SFRP4: variants seen among roughly 807,000 people sequenced by gnomAD.
SFRP4 encodes the protein secreted frizzled-related protein 4.
SFRP4 carries 25 observed loss-of-function variants against 36.3 expected under a neutral mutation model. That is an observed-to-expected ratio of 0.69 (90% CI 0.50 to 0.96). SFRP4 has a LOEUF of 0.96. Ranked by LOEUF, SFRP4 falls within the 40% of genes least tolerant of loss-of-function variation. The pLI, the probability that SFRP4 is intolerant of heterozygous loss-of-function variation, is 0.00. For missense variants in SFRP4, 487 were observed against 459.6 expected (o/e 1.06, Z -0.54); for synonymous variants, 182 against 168.8 (o/e 1.08, Z -0.60).
intron 5 of SFRP4, among the ~76,000 whole-genome samples, chr7:37,908,817 C>T (rs2722324): frequency 0.97 from 148,278 of 152,330 alleles, 72,315 homozygotes; most frequent in East Asian, 1. Flanking sequence ...TATTCAGAAA[C>T]GCACTGACTA....
chr7:37,908,128 A>G (rs1785426075), intron 5 of SFRP4, among the ~76,000 whole-genome samples: 1 of 152,180 alleles, frequency 6.6e-6, no homozygotes, highest in African/African-American at 2.4e-5. Flanking sequence ...TGTCACTGGG[A>G]AGTCAGGAGT....
rs1284959146 is a variant in SFRP4 at position 37,906,456 on chromosome 7, A to G, written c.*1023T>C. The G allele has an allele frequency of 1.3e-5, 2 of 152,224 alleles. No homozygotes were observed. The highest frequency in any genetic ancestry group is 4.8e-5 in the African/African-American group (2 of 41,460). 9.4% of individuals were successfully genotyped at this position (152,224 alleles called of 1,614,324 possible). On this transcript the variant is annotated 3_prime_UTR_variant, in exon 6 of 6. Transcript: ENST00000436072. Reference sequence around the variant, plus strand: ...CCAACTGTCAAGTAATTCTCATTTCAGAGGTGGAACCTCAACTTTCCTCTC... The same window carrying G: ...CCAACTGTCAAGTAATTCTCATTTCGGAGGTGGAACCTCAACTTTCCTCTC...
chr7:37,912,666 A>G (rs891499783), intron 3 of SFRP4, among the ~76,000 whole-genome samples: 2 of 152,206 alleles, frequency 1.3e-5, no homozygotes, highest in African/African-American at 4.8e-5. Flanking sequence ...ATATATTCAG[A>G]TCAGAAGTCA....
rs1785410788 is a variant in SFRP4 at position 37,907,286 on chromosome 7, C to T, written c.*193G>A. 9.6e-6 allele frequency: 5 copies of T among 520,832 alleles called. No individual in the cohort carries two copies. The Admixed American group carries it at 1.0e-4, about 11-fold the overall frequency. The allele number at this position is 520,832 out of a possible 1,614,324, so 32.3% of individuals were successfully genotyped here. A position where few individuals can be genotyped will look rare whatever the true frequency, so the allele number is the denominator to read the frequency against. ...TCTGTACCAAAGGGCAAACCTACCACTATGGCTTGTGATGGCTTACAAAGA... is the reference window on the plus strand; with the variant it reads ...TCTGTACCAAAGGGCAAACCTACCATTATGGCTTGTGATGGCTTACAAAGA... On this transcript the variant is annotated 3_prime_UTR_variant, in exon 6 of 6. Transcript: ENST00000436072.
At chr7:37,913,347 T>C (rs983812740) in intron 3 of SFRP4, among the ~76,000 whole-genome samples, 3 of 152,224 alleles carry the variant, frequency 2.0e-5, no homozygotes, top group Non-Finnish European at 4.4e-5. Flanking sequence ...TAAAGTTTCT[T>C]ACTGATATAA....
Position 37,914,290 on chromosome 7 carries a change from A to G in SFRP4, c.527-12T>C. On this transcript the variant is annotated splice_polypyrimidine_tract_variant and intron_variant, in intron 2 of 5. Coordinates refer to ENST00000436072, the MANE Select transcript of SFRP4 (RefSeq NM_003014.4). ...ACACTTGCACCGATCTAAAAAAGGC[A>G]GAAGAGGCAGAAAGTTGGAAAAAGA... 1 of 1,614,062 alleles carries G rather than the reference A, an allele frequency of 6.2e-7. No homozygotes were observed. Among genetic ancestry groups the G allele is most frequent in the African/African-American group, 1.3e-5 (1 of 75,068 alleles).
Position 37,914,336 on chromosome 7 carries a change from G to A in SFRP4, c.526+37C>T, listed in dbSNP as rs1057272529. On this transcript the variant is annotated intron_variant, in intron 2 of 5. Transcript: ENST00000436072. ...AAAGAACAGAAATCACTCTGGAGAG[G>A]AGAAGTAGAGGGAACGTCCATGAAG... The A allele has an allele frequency of 3.7e-6, 6 of 1,608,760 alleles. No individual in the cohort carries two copies. In the African/African-American group the frequency reaches 6.7e-5, roughly 18 times the overall value.
In SFRP4 at chr7:37,914,276, G is replaced by T; in HGVS notation, c.529C>A (p.Arg177=). 6.2e-7 allele frequency: 1 copy of T among 1,613,962 alleles called. No homozygotes were observed. Among genetic ancestry groups the T allele is most frequent in the Non-Finnish European group, 8.5e-7 (1 of 1,179,840 alleles). ...GGCTTCACCTTTTTACACTTGCACC[G>T]ATCTAAAAAAGGCAGAAGAGGCAGA... ...DVDCKRLSPD[R]CKCKKVKPTL... is the part of the protein sequence containing the mutation. The change falls in exon 3 of 6, where the codon CGG becomes AGG. Residue 177 remains arginine (R), a splice_region_variant and synonymous_variant. Coordinates refer to ENST00000436072, the MANE Select transcript of SFRP4 (RefSeq NM_003014.4).
Position 37,916,098 on chromosome 7 carries a change from G to C in SFRP4, c.440C>G (p.Pro147Arg). The C allele has an allele frequency of 1.2e-6, 2 of 1,610,928 alleles. No individual in the cohort carries two copies. The highest frequency in any genetic ancestry group is 1.1e-5 in the South Asian group (1 of 90,972). Residue 147 changes from proline to arginine, a missense_variant, in exon 1 of 6, where the codon CCG becomes CGG. Physicochemically the swap from Pro to Arg is moderately radical, Grantham distance 103. Transcript: ENST00000436072. This position sits in a 1 kb window ranked among gnomAD's most constrained non-coding sequence, Gnocchi z 4.1. The stretch of plus-strand genomic sequence containing the variant: ...CATCCTTCCTACGGCCTCACCCTCC[G>C]GGAGGTCCGTGACGATGGCTTCAGG... ...ISPEAIVTDL[P>R]EDVKWIDITP... is the part of the protein sequence containing the mutation.
intron 3 of SFRP4, among the ~76,000 whole-genome samples, chr7:37,912,744 C>T (rs3807193): frequency 0.54 from 82,092 of 152,060 alleles, 22,555 homozygotes; most frequent in Non-Finnish European, 0.6. Flanking sequence ...CAGAGATAGT[C>T]ATTAGTCATA....
intron 5 of SFRP4, among the ~76,000 whole-genome samples, 168 bp from the exon 6 acceptor site, chr7:37,907,832 T>C (rs554983686): frequency 3.0e-4 from 45 of 152,328 alleles, no homozygotes; most frequent in African/African-American, 1.0e-3. Context: ...ACTTGGAAAG[T>C]GCTCAGTGTG....
chr7:37,908,605 A>G (rs1785434464), intron 5 of SFRP4, among the ~76,000 whole-genome samples: 1 of 152,228 alleles, frequency 6.6e-6, no homozygotes, highest in African/African-American at 2.4e-5. Context: ...CCCCAGAGCT[A>G]TGATTATTGA....
intron 5 of SFRP4, among the ~76,000 whole-genome samples, chr7:37,909,306 C>A (rs893350933): frequency 6.6e-6 from 1 of 152,044 alleles, no homozygotes; most frequent in Non-Finnish European, 1.5e-5. Context: ...TAAGTCTGCT[C>A]AAGTATCTCA....
Position 37,916,327 on chromosome 7 carries a change from C to G in SFRP4, c.211G>C (p.Ala71Pro), listed in dbSNP as rs1238358289. The G allele has an allele frequency of 6.2e-7, 1 of 1,614,094 alleles. No homozygotes were observed. The highest frequency in any genetic ancestry group is 1.3e-5 in the African/African-American group (1 of 74,930). The change falls in exon 1 of 6, where the codon GCC (alanine) becomes CCC (proline). Residue 71 changes from alanine (A) to proline (P), a missense_variant. Coordinates refer to ENST00000436072, the MANE Select transcript of SFRP4 (RefSeq NM_003014.4). This position sits in a 1 kb window ranked among gnomAD's most constrained non-coding sequence, Gnocchi z 4.1. Reference sequence around the variant, plus strand: ...GCACAGAGGAAGAAGCGCAGCACGGCGCTGCAGTTCACGTCCACCAGCTCC... The same window carrying G: ...GCACAGAGGAAGAAGCGCAGCACGGGGCTGCAGTTCACGTCCACCAGCTCC... ...YEELVDVNCSAVLRFFLCAMY... is the reference protein window; with the variant it reads ...YEELVDVNCSPVLRFFLCAMY...
chr7:37,907,424 G>T lies in SFRP4; in HGVS notation c.*55C>A. On this transcript the variant is annotated 3_prime_UTR_variant, in exon 6 of 6. Transcript: ENST00000436072. Reference sequence around the variant, plus strand: ...CCTTACATAGGCTGTCCCAGGCAATGCCCAGCCTCATCCTGTAAGGAAGTC... The same window carrying T: ...CCTTACATAGGCTGTCCCAGGCAATTCCCAGCCTCATCCTGTAAGGAAGTC... 6.6e-7 allele frequency: 1 copy of T among 1,516,348 alleles called. No homozygotes were observed. Among genetic ancestry groups the T allele is most frequent in the Non-Finnish European group, 9.0e-7 (1 of 1,108,142 alleles). 93.9% of individuals were successfully genotyped at this position (1,516,348 alleles called of 1,614,324 possible).
In SFRP4 at chr7:37,912,997, T is replaced by C. The variant is rs115448749; in HGVS notation, c.593-680A>G. On this transcript the variant is annotated intron_variant, in intron 3 of 5. Coordinates refer to ENST00000436072, the MANE Select transcript of SFRP4 (RefSeq NM_003014.4). ...TGGATTCCATTTCAGGAAGCCAGTT[T>C]ATGAAGACACCAAAGGACTTGAATA... Among the ~76,000 whole-genome samples the C allele has an allele frequency of 4.2e-3, 633 of 152,316 alleles. 5 individuals are homozygous for C. Among genetic ancestry groups the C allele is most frequent in the African/African-American group, 0.014 (566 of 41,570 alleles).
intron 3 of SFRP4, 68 bp from the exon 4 acceptor site, chr7:37,912,385 T>G: frequency 1.6e-6 from 2 of 1,240,196 alleles, no homozygotes; most frequent in Non-Finnish European, 2.3e-6. Flanking sequence ...GGTGTATTCA[T>G]GCCAACTTCT....
chr7:37,907,986 C>T (rs1183688734), intron 5 of SFRP4, among the ~76,000 whole-genome samples: 1 of 152,096 alleles, frequency 6.6e-6, no homozygotes, highest in Non-Finnish European at 1.5e-5. Flanking sequence ...TCAAATTCAC[C>T]CACTCTGACT....
chr7:37,914,922 G>C (rs1785550016), intron 1 of SFRP4, among the ~76,000 whole-genome samples: 1 of 152,196 alleles, frequency 6.6e-6, no homozygotes, highest in Admixed American at 6.5e-5. Flanking sequence ...TGTGATTGTT[G>C]ACTTCTCCTT....
Sources: allele counts gnomAD v4.1 joint callset (sites outside exome capture counted in the v4.1 genomes callset), GRCh38; gene constraint gnomAD v4.1.1; non-coding constraint Gnocchi (gnomAD v3.1); transcripts MANE v1.5; gene names NCBI Gene and HGNC (gene_info 2026-07-23, HGNC 2026-07-21).